SLC2A13: variants seen among roughly 807,000 people sequenced by gnomAD.
SLC2A13 encodes proton myo-inositol cotransporter.
In SLC2A13, 32 loss-of-function variants were observed where a neutral mutation model predicts 64.4. The observed-to-expected ratio is 0.50, with a 90% CI of 0.37 to 0.67. SLC2A13 has a LOEUF of 0.67. Among genes scored for constraint, SLC2A13 ranks in the 30% least tolerant of loss-of-function variants. The pLI, the probability that SLC2A13 is intolerant of heterozygous loss-of-function variation, is 0.00. For missense variants in SLC2A13, 743 were observed against 829.2 expected (o/e 0.90, Z 1.28); for synonymous variants, 338 against 327.1 (o/e 1.03, Z -0.36).
At chr12:39,954,234 G>A (rs553335398) in intron 3 of SLC2A13, among the ~76,000 whole-genome samples, 1 of 152,240 alleles carries the variant, frequency 6.6e-6, no homozygotes, top group African/African-American at 2.4e-5. Flanking sequence ...TGCAGCACAG[G>A]GCAGGTAAAC....
At chr12:39,939,516 G>C (rs1478616995) in intron 4 of SLC2A13, among the ~76,000 whole-genome samples, 1 of 152,180 alleles carries the variant, frequency 6.6e-6, no homozygotes, top group Non-Finnish European at 1.5e-5. Flanking sequence ...TAGGGCTTGA[G>C]CCTACTCCTA....
At chr12:39,805,025 A>AGAGAAGCCCGCTGGAGG (rs1941925830) in intron 7 of SLC2A13, among the ~76,000 whole-genome samples, 3 of 147,664 alleles carry the variant, frequency 2.0e-5, no homozygotes, top group South Asian at 4.4e-4. Flanking sequence ...CCTGCTGGAG[A>AGAGAAGCCCGCTGGAGG]GAGAAGCCTG....
chr12:40,076,766 C>G (rs1210541962), intron 1 of SLC2A13, among the ~76,000 whole-genome samples: 1 of 152,120 alleles, frequency 6.6e-6, no homozygotes, highest in Non-Finnish European at 1.5e-5. Context: ...ATTACCACCA[C>G]CAGCACTGTA....
chr12:40,005,584 T>A (rs1263155914), intron 3 of SLC2A13, among the ~76,000 whole-genome samples: 1 of 152,214 alleles, frequency 6.6e-6, no homozygotes, highest in Admixed American at 6.5e-5. Flanking sequence ...TGGCATCACC[T>A]GAAACTTGCT....
At chr12:39,891,763 T>G (rs1419216510) in intron 4 of SLC2A13, among the ~76,000 whole-genome samples, 1 of 152,206 alleles carries the variant, frequency 6.6e-6, no homozygotes, top group Non-Finnish European at 1.5e-5. Context: ...CTCAGTCCCC[T>G]AAATCACATT....
intron 1 of SLC2A13, among the ~76,000 whole-genome samples, chr12:40,076,796 A>G (rs1938196034): frequency 6.6e-6 from 1 of 152,052 alleles, no homozygotes; most frequent in African/African-American, 2.4e-5. Flanking sequence ...TTTTCTCCAC[A>G]GCCTCTCCAG....
chr12:39,928,345 T>C (rs528888403), intron 4 of SLC2A13, among the ~76,000 whole-genome samples: 1 of 152,172 alleles, frequency 6.6e-6, no homozygotes, highest in Non-Finnish European at 1.5e-5. Flanking sequence ...AATATGCAAA[T>C]GTACTTACTC....
chr12:39,985,541 A>C (rs1461728413), intron 3 of SLC2A13, among the ~76,000 whole-genome samples: 1 of 152,152 alleles, frequency 6.6e-6, no homozygotes, highest in Non-Finnish European at 1.5e-5. Flanking sequence ...GAGCTAAAAA[A>C]TAAAGTTAGG....
At chr12:39,797,249 G>GT (rs1298325369) in intron 7 of SLC2A13, among the ~76,000 whole-genome samples, 2 of 152,222 alleles carry the variant, frequency 1.3e-5, no homozygotes, top group African/African-American at 4.8e-5. Context: ...GGAAACAATG[G>GT]TAAAAACTGT....
intron 7 of SLC2A13, among the ~76,000 whole-genome samples, chr12:39,825,958 A>G (rs925557733): frequency 6.6e-6 from 1 of 151,988 alleles, no homozygotes; most frequent in Non-Finnish European, 1.5e-5. Flanking sequence ...TGTTTTGTTT[A>G]TTTTAGTTTC....
chr12:39,961,875 T>C (rs1204011321), intron 3 of SLC2A13, among the ~76,000 whole-genome samples: 1 of 150,142 alleles, frequency 6.7e-6, no homozygotes, highest in Non-Finnish European at 1.5e-5. Context: ...CACAGCTCAC[T>C]GTAACTTCAA....
At chr12:40,083,206 G>A (rs1488415720) in intron 1 of SLC2A13, among the ~76,000 whole-genome samples, 2 of 152,080 alleles carry the variant, frequency 1.3e-5, no homozygotes, top group Non-Finnish European at 2.9e-5. Context: ...CTGCTTAGGG[G>A]TGAGCTCAGG....
chr12:40,002,690 C>T (rs1270759286), intron 3 of SLC2A13, among the ~76,000 whole-genome samples: 1 of 152,032 alleles, frequency 6.6e-6, no homozygotes, highest in Non-Finnish European at 1.5e-5. Flanking sequence ...ACAATCCATC[C>T]CCGTGAAGGG....
At chr12:39,919,672 AC>A (rs71075099) in intron 4 of SLC2A13, among the ~76,000 whole-genome samples, 3 of 151,922 alleles carry the variant, frequency 2.0e-5, no homozygotes, top group Admixed American at 6.6e-5. Flanking sequence ...GGATGGAAAC[AC>A]CCCCCAAACC....
chr12:40,034,821 ATGTAT>A (rs1369560329), intron 2 of SLC2A13, among the ~76,000 whole-genome samples: 2 of 152,170 alleles, frequency 1.3e-5, no homozygotes, highest in African/African-American at 4.8e-5. Context: ...ACTAATGAAG[ATGTAT>A]TGTGTTTGCT....
intron 3 of SLC2A13, among the ~76,000 whole-genome samples, chr12:39,970,681 C>T (rs1946631852): frequency 6.6e-6 from 1 of 152,174 alleles, no homozygotes; most frequent in Non-Finnish European, 1.5e-5. Flanking sequence ...ACAAAACATA[C>T]ACATGCACAC....
intron 7 of SLC2A13, among the ~76,000 whole-genome samples, chr12:39,767,482 C>G (rs73095664): frequency 0.016 from 2,401 of 152,078 alleles, 58 homozygotes; most frequent in African/African-American, 0.052. Flanking sequence ...GCATTGGCTT[C>G]AACTTAAAAG....
intron 6 of SLC2A13, among the ~76,000 whole-genome samples, chr12:39,830,670 T>G (rs556300365): frequency 1.4e-5 from 2 of 146,906 alleles, no homozygotes; most frequent in African/African-American, 2.4e-5. Context: ...ATGAAAATAG[T>G]TTTTTTTTCT....
At chr12:39,808,644 T>C (rs1260581150) in intron 7 of SLC2A13, among the ~76,000 whole-genome samples, 3 of 152,202 alleles carry the variant, frequency 2.0e-5, no homozygotes, top group Admixed American at 6.5e-5. Context: ...CTGTAGCATG[T>C]CACTATAATT....
Sources: allele counts gnomAD v4.1 joint callset (sites outside exome capture counted in the v4.1 genomes callset), GRCh38; gene constraint gnomAD v4.1.1; transcripts MANE v1.5; gene names NCBI Gene and HGNC (gene_info 2026-07-23, HGNC 2026-07-21).